Variants in ADGRV1 observed in about 807,000 individuals in gnomAD.
ADGRV1 encodes the protein G-protein coupled receptor 98.
Under a neutral mutation model 596.2 loss-of-function variants are expected in ADGRV1, and 359 were observed. That is an observed-to-expected ratio of 0.60 (90% CI 0.55 to 0.66). The LOEUF (loss-of-function observed/expected upper bound fraction) is 0.66. Among genes scored for constraint, ADGRV1 ranks in the 30% least tolerant of loss-of-function variants. ADGRV1 has a pLI of 0.00. For synonymous variants in ADGRV1, 2,681 were observed against 2,679.2 expected, an observed-to-expected ratio of 1.00 and a Z score of -0.02; for missense variants, 7,274 against 7,575.6, an observed-to-expected ratio of 0.96 and a Z score of 1.48.
intron 85 of ADGRV1, among the ~76,000 whole-genome samples, chr5:91,048,922 T>C (rs571614937): frequency 6.6e-6 from 1 of 152,326 alleles, no homozygotes; most frequent in South Asian, 2.1e-4. Context: ...TATTTGACTC[T>C]AGTTACTTTG....
chr5:90,721,518 A>G (rs1191780788), intron 45 of ADGRV1, among the ~76,000 whole-genome samples: 2 of 98,014 alleles, frequency 2.0e-5, no homozygotes, highest in African/African-American at 1.1e-4. Flanking sequence ...ATAAAATAAA[A>G]TAAAATAAAA....
intron 83 of ADGRV1, among the ~76,000 whole-genome samples, chr5:90,903,749 T>A (rs1772062545): frequency 1.3e-5 from 2 of 152,070 alleles, no homozygotes; most frequent in Non-Finnish European, 1.5e-5. Context: ...CCTCAAGCGT[T>A]TATCCTTCAT....
At chr5:90,811,577 T>C (rs1251313823) in intron 74 of ADGRV1, among the ~76,000 whole-genome samples, 1 of 152,184 alleles carries the variant, frequency 6.6e-6, no homozygotes, top group Non-Finnish European at 1.5e-5. Flanking sequence ...AGTAATACAA[T>C]CTATAAATCT....
intron 1 of ADGRV1, among the ~76,000 whole-genome samples, chr5:90,595,700 C>G (rs1406588792): frequency 2.2e-5 from 3 of 135,592 alleles, no homozygotes; most frequent in Admixed American, 6.9e-5. Flanking sequence ...GGCGGCTGGC[C>G]AGGCAGAGGG....
chr5:91,014,136 CCACACACACACACACACA>C (rs70973720), intron 85 of ADGRV1, among the ~76,000 whole-genome samples: 2 of 35,638 alleles, frequency 5.6e-5, no homozygotes, highest in East Asian at 1.4e-3. Flanking sequence ...TTCACAATTG[CCACACACACACACACACA>C]CACACACACA....
chr5:90,753,565 A>C lies in ADGRV1; in HGVS notation c.11122-9A>C. Reference sequence around the variant, plus strand: ...AAATAAATAACATCTTCTTTCTTTAAAATTCTAGATTTTATTTACTGAAGG... The same window carrying C: ...AAATAAATAACATCTTCTTTCTTTACAATTCTAGATTTTATTTACTGAAGG... On this transcript the variant is annotated splice_polypyrimidine_tract_variant and intron_variant, in intron 53 of 89. Coordinates refer to ENST00000405460, the MANE Select transcript of ADGRV1 (RefSeq NM_032119.4). 6.3e-7 allele frequency: 1 copy of C among 1,577,630 alleles called. No individual in the cohort carries two copies. The highest frequency in any genetic ancestry group is 8.7e-7 in the Non-Finnish European group (1 of 1,150,858).
chr5:90,797,287 C>CAAAAAAAAAAGA (rs1760840068), intron 70 of ADGRV1, among the ~76,000 whole-genome samples: 1 of 26,352 alleles, frequency 3.8e-5, no homozygotes, highest in Non-Finnish European at 7.3e-5. Flanking sequence ...AAATGAAAAG[C>CAAAAAAAAAAGA]AAAAAAAAAA....
chr5:90,559,697 A>G (rs1754563333), intron 1 of ADGRV1, among the ~76,000 whole-genome samples: 1 of 152,172 alleles, frequency 6.6e-6, no homozygotes, highest in South Asian at 2.1e-4. Context: ...ACACTCTTTT[A>G]GAAACTGATA....
rs376298949 is a variant in ADGRV1, at chr5:90,725,644, C to T, written c.10149C>T (p.Ser3383=). The part of the protein sequence containing the change: ...YLIIASQRDD[S]ELTQVFRWNG... ...TCATTGCAAGTCAAAGAGATGATTC[C>T]GAATTAACTCAGGTTTGATTCTTTT... Residue 3383 remains serine, a synonymous_variant, in exon 48 of 90, where the codon TCC becomes TCT. Transcript: ENST00000405460. 469 of 1,511,234 alleles carry T rather than the reference C, an allele frequency of 3.1e-4. 1 individual carries two copies. In the South Asian group the frequency reaches 3.5e-3, roughly 11 times the overall value. The allele number at this position is 1,511,234 out of a possible 1,614,324, so 93.6% of individuals were successfully genotyped here.
chr5:90,950,173 A>G (rs1349405866), intron 83 of ADGRV1, among the ~76,000 whole-genome samples: 1 of 152,178 alleles, frequency 6.6e-6, no homozygotes, highest in Non-Finnish European at 1.5e-5. Flanking sequence ...GGAATGTCTT[A>G]TTCCCACTTT....
intron 54 of ADGRV1, 79 bp downstream of exon 54, chr5:90,753,908 T>A: frequency 7.4e-7 from 1 of 1,347,656 alleles, no homozygotes; most frequent in Non-Finnish European, 9.9e-7. Flanking sequence ...ATAAGGAATG[T>A]AAATTTCTCT....
rs76891227 is a variant in ADGRV1 at position 90,824,356 on chromosome 5, A to G, written c.16368+760A>G. ...AAGACAGCCAATTAACTAGTGTCAA[A>G]GGACTTGATTTCTTTGATCAGAAAG... On this transcript the variant is annotated intron_variant, in intron 76 of 89. Transcript: ENST00000405460. Among the ~76,000 whole-genome samples, 535 of 152,324 alleles carry G rather than the reference A, an allele frequency of 3.5e-3. 5 individuals are homozygous for G. The highest frequency in any genetic ancestry group is 0.012 in the African/African-American group (513 of 41,574).
At chr5:91,109,348 C>T (rs1449270658) in intron 87 of ADGRV1, among the ~76,000 whole-genome samples, 1 of 152,100 alleles carries the variant, frequency 6.6e-6, no homozygotes, top group Non-Finnish European at 1.5e-5. Flanking sequence ...TTCCTAATTC[C>T]AGTAGCTACT....
At position 90,753,750 on chromosome 5, in the gene ADGRV1, A is replaced by C. The variant is rs561180374; in HGVS notation, c.11298A>C (p.Thr3766=). ...IDQDRSKSVI[T]TLPNDSPFGL... is the part of the protein sequence containing the mutation. ...AGGACAGAAGCAAGTCTGTTATAAC[A>C]ACTTTGCCCAATGACTCACCTTTTG... The change falls in exon 54 of 90, where the codon ACA becomes ACC. Residue 3766 remains threonine, a synonymous_variant. Transcript: ENST00000405460. 4.3e-6 allele frequency: 7 copies of C among 1,613,500 alleles called. No homozygotes were observed. In the African/African-American group the frequency reaches 5.3e-5, roughly 12 times the overall value.
chr5:90,857,662 G>A (rs1236755415), intron 82 of ADGRV1, among the ~76,000 whole-genome samples: 1 of 152,082 alleles, frequency 6.6e-6, no homozygotes, highest in Non-Finnish European at 1.5e-5. Flanking sequence ...TTATGTAATT[G>A]CATGTTCTGT....
intron 20 of ADGRV1, among the ~76,000 whole-genome samples, chr5:90,657,639 G>A (rs1389781800): frequency 6.6e-6 from 1 of 152,032 alleles, no homozygotes; most frequent in African/African-American, 2.4e-5. Flanking sequence ...TTGACAGACT[G>A]ATAGAAGTTA....
intron 8 of ADGRV1, 83 bp downstream of exon 8, chr5:90,628,915 T>C: frequency 7.8e-7 from 1 of 1,274,036 alleles, no homozygotes. Flanking sequence ...ACATCAACTT[T>C]ATGTTTAGTT....
intron 86 of ADGRV1, among the ~76,000 whole-genome samples, chr5:91,085,237 A>T (rs1218052164): frequency 6.6e-6 from 1 of 152,214 alleles, no homozygotes; most frequent in Non-Finnish European, 1.5e-5. Context: ...GTTAAAAAAT[A>T]TTATATATGT....
chr5:91,154,348 G>A (rs943376501), intron 89 of ADGRV1, among the ~76,000 whole-genome samples: 3 of 152,186 alleles, frequency 2.0e-5, no homozygotes, highest in Non-Finnish European at 2.9e-5. Flanking sequence ...TGGCTATGAA[G>A]TATATTGCTT....
Sources: allele counts gnomAD v4.1 joint callset (sites outside exome capture counted in the v4.1 genomes callset), GRCh38; gene constraint gnomAD v4.1.1; transcripts MANE v1.5; gene names NCBI Gene and HGNC (gene_info 2026-07-23, HGNC 2026-07-21).